The following PCDHGA1 variants were observed in gnomAD, a reference collection of about 807,000 sequenced individuals.
The protein encoded by PCDHGA1 is protocadherin gamma subfamily A, 1, also known as protocadherin gamma-A1.
A neutral mutation model predicts 58.0 loss-of-function variants in PCDHGA1; 32 were observed. The ratio of observed to expected loss-of-function variants is 0.55; its 90% confidence interval spans 0.42 to 0.74. The LOEUF is 0.74. Ranked by LOEUF, PCDHGA1 falls within the 30% of genes least tolerant of loss-of-function variation. The probability of loss-of-function intolerance (pLI) is 0.00; values close to 1 mark genes in which losing one functional copy is unlikely to be tolerated. For missense variants in PCDHGA1, 1,205 were observed against 1,182.3 expected (o/e 1.02, Z -0.28); for synonymous variants, 498 against 501.1 (o/e 0.99, Z 0.08).
At chr5:141,440,113 G>A (rs1375262224) in intron 1 of PCDHGA1, 1 of 152,248 alleles carries the variant, frequency 6.6e-6, no homozygotes, top group Non-Finnish European at 1.5e-5. Context: ...ACTTACTTGT[G>A]AATGACTGAA....
At chr5:141,414,622 C>T in intron 1 of PCDHGA1, 1 of 1,613,956 alleles carries the variant, frequency 6.2e-7, no homozygotes. Context: ...AGCGCTGGAC[C>T]CGGACAGCAA....
In PCDHGA1 at chr5:141,454,484, G is replaced by A. The variant is rs555881095; in HGVS notation, c.2422-40323G>A. On this transcript the variant is annotated intron_variant, in intron 1 of 3. Transcript: ENST00000517417. The stretch of plus-strand genomic sequence containing the variant: ...TGCAATGGCATGATCTCAGCTCACC[G>A]CAACCTCCACCTCCTGGATTCAGGC... Among the ~76,000 whole-genome samples, 7 of 152,218 alleles carry A rather than the reference G, an allele frequency of 4.6e-5. No individual in the cohort carries two copies. In the East Asian group the frequency reaches 7.7e-4, roughly 17 times the overall value.
intron 2 of PCDHGA1, among the ~76,000 whole-genome samples, chr5:141,499,298 C>A (rs1239333151): frequency 6.6e-6 from 1 of 152,210 alleles, no homozygotes; most frequent in African/African-American, 2.4e-5. Context: ...ACACTACCAT[C>A]CCTCCTCTGA....
chr5:141,488,980 C>A, intron 1 of PCDHGA1: 1 of 392,340 alleles, frequency 2.5e-6, no homozygotes, highest in Non-Finnish European at 4.5e-6. Flanking sequence ...CAATCAGACT[C>A]AGAGCTGAGG....
intron 1 of PCDHGA1, chr5:141,388,637 T>C (rs993746447): frequency 6.2e-7 from 1 of 1,613,880 alleles, no homozygotes; most frequent in Non-Finnish European, 8.5e-7. Flanking sequence ...GGGTGAGCCT[T>C]TCAGAAAACG....
At chr5:141,386,154 A>T (rs1211383292) in intron 1 of PCDHGA1, among the ~76,000 whole-genome samples, 2 of 152,222 alleles carry the variant, frequency 1.3e-5, no homozygotes, top group Non-Finnish European at 2.9e-5. Context: ...CAACTGTCTC[A>T]CGTACTCAAA....
At chr5:141,475,955 C>G (rs1562050812) in intron 1 of PCDHGA1, 8 of 800,218 alleles carry the variant, frequency 1.0e-5, no homozygotes, top group South Asian at 1.9e-5. Flanking sequence ...TTCTGCGCCC[C>G]GGGATGAGGC....
At chr5:141,389,245 C>A (rs755580542) in intron 1 of PCDHGA1, 6 of 1,613,950 alleles carry the variant, frequency 3.7e-6, no homozygotes, top group Non-Finnish European at 5.1e-6. Context: ...TCACAGTCTT[C>A]CTATATAGTC....
At position 141,485,880 on chromosome 5, in the gene PCDHGA1, A is replaced by G; in HGVS notation, c.2422-8927A>G. 1 of 1,614,124 alleles carries G rather than the reference A, an allele frequency of 6.2e-7. No individual in the cohort carries two copies. Among genetic ancestry groups the G allele is most frequent in the Non-Finnish European group, 8.5e-7 (1 of 1,180,026 alleles). On this transcript the variant is annotated intron_variant, in intron 1 of 3. Transcript: ENST00000517417. The surrounding 1 kb of genome is among the most constrained non-coding windows in gnomAD (Gnocchi z 5.7). ...CTCCGGGTATCCGTGCTGGACGTAA[A>G]CGACAACGCCCCAGCCTTCCAGCAA... is the stretch of plus-strand genomic sequence containing the variant.
intron 1 of PCDHGA1, chr5:141,357,072 C>T (rs745612694): frequency 6.2e-7 from 1 of 1,613,960 alleles, no homozygotes; most frequent in Non-Finnish European, 8.5e-7. Flanking sequence ...TGCACACAGG[C>T]GAGGTGCGCA....
chr5:141,432,569 C>T lies in PCDHGA1; in HGVS notation c.2422-62238C>T. The T allele has an allele frequency of 6.2e-7, 1 of 1,613,920 alleles. No homozygotes were observed. On this transcript the variant is annotated intron_variant, in intron 1 of 3. Coordinates refer to ENST00000517417, the MANE Select transcript of PCDHGA1 (RefSeq NM_018912.3). This position sits in a 1 kb window ranked among gnomAD's most constrained non-coding sequence, Gnocchi z 6.0. ...CAGAGACTCCGGCCAGAACGCCTGG[C>T]TGTCCTACCGTCTGCTCAAGGCCAG...
intron 1 of PCDHGA1, chr5:141,352,086 A>T: frequency 6.2e-7 from 1 of 1,605,322 alleles, no homozygotes; most frequent in Non-Finnish European, 8.5e-7. Context: ...CAGGCCAGCG[A>T]GCCCGGGCTC....
At chr5:141,408,844 C>G (rs1359968983) in intron 1 of PCDHGA1, 1 of 1,613,634 alleles carries the variant, frequency 6.2e-7, no homozygotes, top group South Asian at 1.1e-5. Context: ...TATTGACTGC[C>G]TTGGACGGAG....
intron 1 of PCDHGA1, chr5:141,366,144 C>A: frequency 6.2e-7 from 1 of 1,614,182 alleles, no homozygotes; most frequent in South Asian, 1.1e-5. Flanking sequence ...GCCTGGCTGT[C>A]CTACCGCCTG....
chr5:141,431,355 C>T lies in PCDHGA1; in HGVS notation c.2422-63452C>T. 1 of 1,614,054 alleles carries T rather than the reference C, an allele frequency of 6.2e-7. No homozygotes were observed. Among genetic ancestry groups the T allele is most frequent in the South Asian group, 1.1e-5 (1 of 91,082 alleles). ...TACCCCGAATTGGTGCTGAAACGCG[C>T]CCTGGACCGCGAAGAAAAGGCTGCT... On this transcript the variant is annotated intron_variant, in intron 1 of 3. Transcript: ENST00000517417. The surrounding 1 kb of genome is among the most constrained non-coding windows in gnomAD (Gnocchi z 4.8).
At chr5:141,416,093 C>T (rs1241017265) in intron 1 of PCDHGA1, 1 of 162,720 alleles carries the variant, frequency 6.1e-6, no homozygotes, top group Admixed American at 6.4e-5. Flanking sequence ...AGGAGAAGGG[C>T]AATAGGCCTT....
intron 1 of PCDHGA1, chr5:141,389,275 C>T (rs976237601): frequency 7.4e-6 from 12 of 1,614,004 alleles, no homozygotes; most frequent in Admixed American, 1.7e-5. Context: ...GAGAACAACC[C>T]GCCTGGAGCC....
intron 1 of PCDHGA1, chr5:141,362,449 C>G: frequency 6.2e-7 from 1 of 1,614,006 alleles, no homozygotes; most frequent in Non-Finnish European, 8.5e-7. Context: ...GAACATAACC[C>G]CGGAATTGGT....
intron 1 of PCDHGA1, chr5:141,413,494 G>C: frequency 6.2e-7 from 1 of 1,614,042 alleles, no homozygotes; most frequent in Non-Finnish European, 8.5e-7. Flanking sequence ...CGCGCGGTGC[G>C]TGGTGAGTTT....
Sources: gnomAD v4.1 joint callset for allele counts (sites outside exome capture counted in the v4.1 genomes callset) on GRCh38, gnomAD v4.1.1 for gene constraint, Gnocchi (gnomAD v3.1) non-coding constraint, MANE v1.5 for transcripts, NCBI Gene and HGNC (gene_info 2026-07-23, HGNC 2026-07-21) for gene names.